UGGT2: variants seen among roughly 807,000 people sequenced by gnomAD.
UGGT2 encodes the protein UDP-glucose glycoprotein glucosyltransferase 2.
In UGGT2, 180 loss-of-function variants were observed where a neutral mutation model predicts 192.1. The ratio of observed to expected loss-of-function variants is 0.94; its 90% CI spans 0.83 to 1.06. The LOEUF is 1.06. Among genes scored for constraint, UGGT2 ranks in the 50% least tolerant of loss-of-function variants. The pLI is 0.00. For synonymous variants in UGGT2, 580 were observed against 591.0 expected (o/e 0.98, Z 0.27); for missense variants, 1,849 against 1,795.7 (o/e 1.03, Z -0.54).
At chr13:95,844,327 C>T (rs933993367) in intron 36 of UGGT2, among the ~76,000 whole-genome samples, 16 of 152,196 alleles carry the variant, frequency 1.1e-4, no homozygotes, top group African/African-American at 3.9e-4. Flanking sequence ...TTAATTTGTA[C>T]AAGAAAGTCT....
chr13:95,924,319 C>T (rs2140421350), intron 20 of UGGT2, among the ~76,000 whole-genome samples: 1 of 149,398 alleles, frequency 6.7e-6, no homozygotes, highest in South Asian at 2.2e-4. Flanking sequence ...AGAATATACA[C>T]ACCCAGAACC....
intron 29 of UGGT2, among the ~76,000 whole-genome samples, chr13:95,874,376 T>C (rs917876269): frequency 6.6e-6 from 1 of 152,010 alleles, no homozygotes; most frequent in Admixed American, 6.5e-5. Flanking sequence ...TTGTGGTCAT[T>C]ATTAAGTAAA....
intron 36 of UGGT2, among the ~76,000 whole-genome samples, chr13:95,844,689 G>C (rs780915810): frequency 3.3e-5 from 5 of 152,152 alleles, no homozygotes; most frequent in Non-Finnish European, 7.4e-5. Context: ...GATTACATGA[G>C]GTTTTCTACC....
intron 15 of UGGT2, among the ~76,000 whole-genome samples, chr13:95,940,598 C>A (rs970159685): frequency 5.3e-5 from 8 of 151,710 alleles, no homozygotes; most frequent in African/African-American, 1.7e-4. Context: ...ACTACAGGAA[C>A]TTGCCACCAC....
chr13:95,983,714 A>T (rs1033731704), intron 10 of UGGT2, 90 bp downstream of exon 10: 2 of 990,254 alleles, frequency 2.0e-6, no homozygotes, highest in Admixed American at 5.6e-5. Context: ...ACAAATTACT[A>T]TTTCCTTTTT....
chr13:95,913,611 A>G (rs1367104902), intron 20 of UGGT2, among the ~76,000 whole-genome samples: 1 of 152,212 alleles, frequency 6.6e-6, no homozygotes, highest in Non-Finnish European at 1.5e-5. Context: ...GGATGTGGAG[A>G]AATAGGAACG....
chr13:95,976,248 A>G (rs936463932), intron 10 of UGGT2, among the ~76,000 whole-genome samples: 3 of 152,170 alleles, frequency 2.0e-5, no homozygotes, highest in Non-Finnish European at 4.4e-5. Flanking sequence ...TAAAGATGAC[A>G]GGATTTCTTT....
Position 95,972,510 on chromosome 13 carries a change from C to G in UGGT2, c.1184+70G>C, listed in dbSNP as rs1334903894. The G allele has an allele frequency of 1.6e-5, 21 of 1,281,838 alleles. No homozygotes were observed. The African/African-American group carries it at 3.4e-4, about 21-fold the overall frequency. The allele number at this position is 1,281,838 out of a possible 1,614,324, so 79.4% of individuals were successfully genotyped here. On this transcript the variant is annotated intron_variant, in intron 11 of 38. Coordinates refer to ENST00000376747, the MANE Select transcript of UGGT2 (RefSeq NM_020121.4). ...AAAGTGATCTTCATATTTTGACTTA[C>G]ACTAAATTCAAGACAATGTTTATTT...
chr13:95,866,939 A>C (rs1890720040), intron 30 of UGGT2, among the ~76,000 whole-genome samples: 1 of 152,008 alleles, frequency 6.6e-6, no homozygotes, highest in Non-Finnish European at 1.5e-5. Context: ...ACTAGTTTTA[A>C]GCAGGAGGGT....
At chr13:96,025,102 C>A (rs2052625298) in intron 2 of UGGT2, among the ~76,000 whole-genome samples, 1 of 152,146 alleles carries the variant, frequency 6.6e-6, no homozygotes, top group Admixed American at 6.5e-5. Flanking sequence ...TGTAATAAAG[C>A]CTTCTTCTGT....
At chr13:95,906,941 G>C (rs1566672182) in intron 20 of UGGT2, among the ~76,000 whole-genome samples, 1 of 152,170 alleles carries the variant, frequency 6.6e-6, no homozygotes, top group East Asian at 1.9e-4. Flanking sequence ...GAAAGTGGGT[G>C]CAGCCCAGGC....
rs150200065 is a variant in UGGT2 at position 96,044,399 on chromosome 13, C to G, written c.158+8756G>C. On this transcript the variant is annotated intron_variant, in intron 1 of 38. Coordinates refer to ENST00000376747, the MANE Select transcript of UGGT2 (RefSeq NM_020121.4). ...AGTTCATAGCCCTAAATGCCTACAT[C>G]AGAAAGTCTGAAGGTGCACAGACAA... Among the ~76,000 whole-genome samples, 9 of 152,284 alleles carry G rather than the reference C, an allele frequency of 5.9e-5. No homozygotes were observed. The East Asian group carries it at 1.5e-3, about 26-fold the overall frequency.
intron 17 of UGGT2, among the ~76,000 whole-genome samples, chr13:95,931,472 G>C (rs1360600922): frequency 6.6e-6 from 1 of 152,008 alleles, no homozygotes; most frequent in Non-Finnish European, 1.5e-5. Context: ...ATGGGACTGG[G>C]CGCCGCGGAG....
Position 95,856,346 on chromosome 13 carries a change from A to C in UGGT2, c.3826-6T>G, listed in dbSNP as rs1281741242. ...GCCATGTGAGGAATTACTTCCTAAA[A>C]ACACACACACAAAATCAAACAATAT... On this transcript the variant is annotated splice_polypyrimidine_tract_variant and splice_region_variant and intron_variant, in intron 33 of 38. Coordinates refer to ENST00000376747, the MANE Select transcript of UGGT2 (RefSeq NM_020121.4). 1.9e-6 allele frequency: 3 copies of C among 1,598,286 alleles called. No homozygotes were observed. The highest frequency in any genetic ancestry group is 2.2e-5 in the East Asian group (1 of 44,700).
intron 27 of UGGT2, among the ~76,000 whole-genome samples, chr13:95,878,836 A>T (rs1420854205): frequency 2.0e-5 from 3 of 152,200 alleles, no homozygotes; most frequent in Non-Finnish European, 4.4e-5. Context: ...TGTTTACAGC[A>T]TTTCTTTCTT....
At chr13:95,827,229 A>G (rs187225579) in intron 38 of UGGT2, among the ~76,000 whole-genome samples, 3 of 152,148 alleles carry the variant, frequency 2.0e-5, no homozygotes, top group African/African-American at 7.2e-5. Flanking sequence ...TTTAATTCAT[A>G]TTTCAAAAAT....
At chr13:95,879,685 T>A (rs1442032982) in intron 27 of UGGT2, among the ~76,000 whole-genome samples, 1 of 152,144 alleles carries the variant, frequency 6.6e-6, no homozygotes, top group Non-Finnish European at 1.5e-5. Flanking sequence ...GATCCGCCCA[T>A]CTTGGCCTCC....
rs114317004 is a variant in UGGT2 at position 95,958,952 on chromosome 13, G to A, written c.1336-9498C>T. ...TTATGGGCTTCTGAGACTAACAGAGGGAGCTACCTGGAGATTGCACAATGC... is the reference window on the plus strand; with the variant it reads ...TTATGGGCTTCTGAGACTAACAGAGAGAGCTACCTGGAGATTGCACAATGC... On this transcript the variant is annotated intron_variant, in intron 12 of 38. Transcript: ENST00000376747. Among the ~76,000 whole-genome samples, 70 of 152,282 alleles carry A rather than the reference G, an allele frequency of 4.6e-4. 1 individual carries two copies. Among genetic ancestry groups the A allele is most frequent in the African/African-American group, 1.6e-3 (65 of 41,576 alleles).
At chr13:95,889,959 T>A (rs2047753844) in intron 25 of UGGT2, among the ~76,000 whole-genome samples, 1 of 152,178 alleles carries the variant, frequency 6.6e-6, no homozygotes, top group East Asian at 1.9e-4. Flanking sequence ...AGGTGCTTCG[T>A]GACAGCTCAA....
Sources: allele counts gnomAD v4.1 joint callset (sites outside exome capture counted in the v4.1 genomes callset), GRCh38; gene constraint gnomAD v4.1.1; transcripts MANE v1.5; gene names NCBI Gene and HGNC (gene_info 2026-07-23, HGNC 2026-07-21).